Variants in MYBBP1A observed in about 807,000 individuals in gnomAD.
MYBBP1A encodes myb-binding protein 1A.
MYBBP1A carries 147 observed loss-of-function variants against 136.3 expected under a neutral mutation model. The observed-to-expected ratio is 1.08, with a 90% CI of 0.94 to 1.24. The LOEUF (loss-of-function observed/expected upper bound fraction) is 1.24, where lower values mean the gene tolerates loss of function less well. Among genes scored for constraint, MYBBP1A ranks in the 50% most tolerant of loss-of-function variants. MYBBP1A has a pLI of 0.00. For missense variants in MYBBP1A, 2,060 were observed against 1,727.4 expected, an observed-to-expected ratio of 1.19 and a Z score of -3.41; for synonymous variants, 947 against 735.8, an observed-to-expected ratio of 1.29 and a Z score of -4.65.
chr17:4,552,292 C>A lies in MYBBP1A; in HGVS notation c.738G>T (p.Arg246Ser). ...CGGCCATCTTCAGCACATTCACCAG[C>A]CTGCGGAGGGCAAGGGACTCAGGGA... ...VNLFSDENVP[R>S]LVNVLKMAAS... is the part of the protein sequence containing the mutation. The change falls in exon 7 of 26, where the codon AGG becomes AGT. Residue 246 changes from arginine (R) to serine (S), a missense_variant and splice_region_variant. Physicochemically the swap from Arg to Ser is moderately radical, Grantham distance 110. Transcript: ENST00000254718. The surrounding 1 kb of genome is among the most constrained non-coding windows in gnomAD (Gnocchi z 4.7). The A allele has an allele frequency of 1.2e-6, 2 of 1,613,948 alleles. No homozygotes were observed. The highest frequency in any genetic ancestry group is 1.1e-5 in the South Asian group (1 of 91,078).
At position 4,544,491 on chromosome 17, in the gene MYBBP1A, G is replaced by A. The variant is rs944589760; in HGVS notation, c.2637C>T (p.Phe879=). 1 of 1,549,164 alleles carries A rather than the reference G, an allele frequency of 6.5e-7. No individual in the cohort carries two copies. The highest frequency in any genetic ancestry group is 2.4e-5 in the East Asian group (1 of 40,990). ...CCGCCCTGCACCCCCGTGCTCACGT[G>A]AAGATGCGCGCCGTCTTGTGCAGAA... is the stretch of plus-strand genomic sequence containing the variant. ...QDLLHKTARI[F]THHLCRARRY... is the part of the protein sequence containing the mutation. The change falls in exon 19 of 26, where the codon TTC becomes TTT. Residue 879 remains phenylalanine, a splice_region_variant and synonymous_variant. Coordinates refer to ENST00000254718, the MANE Select transcript of MYBBP1A (RefSeq NM_014520.4).
chr17:4,554,390 C>A (rs1907837306), intron 2 of MYBBP1A, 112 bp from the exon 3 acceptor site: 2 of 854,000 alleles, frequency 2.3e-6, no homozygotes, highest in Admixed American at 2.3e-5. Context: ...AGCCTCAGGT[C>A]CCTAGTCCCA....
Position 4,543,144 on chromosome 17 carries a change from C to A in MYBBP1A, c.2661G>T (p.Arg887=), listed in dbSNP as rs772572088. The A allele has an allele frequency of 6.2e-7, 1 of 1,609,016 alleles. No individual in the cohort carries two copies. The highest frequency in any genetic ancestry group is 8.5e-7 in the Non-Finnish European group (1 of 1,178,040). ...RIFTHHLCRA[R]RYCHDLGERA... ...GCTCACCCAAGTCGTGGCAGTAGCG[C>A]CGGGCACGGCACAGGTGGTGCCTGT... Residue 887 remains arginine (R), a synonymous_variant, in exon 20 of 26, where the codon CGG becomes CGT. Coordinates refer to ENST00000254718, the MANE Select transcript of MYBBP1A (RefSeq NM_014520.4).
rs538283667 is a variant in MYBBP1A at position 4,548,591 on chromosome 17, T to C, written c.1489A>G (p.Thr497Ala). Reference sequence around the variant, plus strand: ...AAAGGGAAGGAGAACGGGTGCTTTGTCTCAGGGATCTGGGATGTGGGCTTC... The same window carrying C: ...AAAGGGAAGGAGAACGGGTGCTTTGCCTCAGGGATCTGGGATGTGGGCTTC... Reference protein sequence around the residue: ...TKKPTSQIPETKHPFSFPLEN... With the variant: ...TKKPTSQIPEAKHPFSFPLEN... Residue 497 changes from threonine (T) to alanine (A), a missense_variant, in exon 11 of 26, where the codon ACA becomes GCA. Coordinates refer to ENST00000254718, the MANE Select transcript of MYBBP1A (RefSeq NM_014520.4). This position sits in a 1 kb window ranked among gnomAD's most constrained non-coding sequence, Gnocchi z 4.2. The C allele has an allele frequency of 2.4e-5, 39 of 1,614,176 alleles. No individual in the cohort carries two copies. Among genetic ancestry groups the C allele is most frequent in the Middle Eastern group, 1.6e-4 (1 of 6,062 alleles).
rs780167883 is a variant in MYBBP1A, at chr17:4,545,775, G to C, written c.1922-14C>G. 1 of 1,606,422 alleles carries C rather than the reference G, an allele frequency of 6.2e-7. No individual in the cohort carries two copies. Among genetic ancestry groups the C allele is most frequent in the Admixed American group, 1.7e-5 (1 of 59,478 alleles). On this transcript the variant is annotated splice_polypyrimidine_tract_variant and intron_variant, in intron 14 of 25. Coordinates refer to ENST00000254718, the MANE Select transcript of MYBBP1A (RefSeq NM_014520.4). ...GTTCCTGGGGGTCTGCAAGAGGGAG[G>C]GGTTGAGCCCGGATAGGGGACCGCT...
Position 4,552,213 on chromosome 17 carries a change from G to A in MYBBP1A, c.817C>T (p.Arg273Cys), listed in dbSNP as rs200095188. ...KLPAIALDLLRLALKEDKFPR... is the reference protein window; with the variant it reads ...KLPAIALDLLCLALKEDKFPR... Reference sequence around the variant, plus strand: ...AACTTGTCTTCCTTGAGTGCCAGGCGGAGCAGGTCCAGAGCAATGGCGGGC... The same window carrying A: ...AACTTGTCTTCCTTGAGTGCCAGGCAGAGCAGGTCCAGAGCAATGGCGGGC... Residue 273 changes from arginine to cysteine, a missense_variant, in exon 7 of 26, where the codon CGC becomes TGC. By Grantham distance (180) the Arg-to-Cys change is radical (BLOSUM62 -3). Coordinates refer to ENST00000254718, the MANE Select transcript of MYBBP1A (RefSeq NM_014520.4). The surrounding 1 kb of genome is among the most constrained non-coding windows in gnomAD (Gnocchi z 4.7). 4.1e-5 allele frequency: 66 copies of A among 1,614,234 alleles called. No homozygotes were observed. The East Asian group carries it at 7.4e-4, about 18-fold the overall frequency.
rs189520600 is a variant in MYBBP1A, at chr17:4,553,749, G to A, written c.561+61C>T. Reference sequence around the variant, plus strand: ...AGTGCTGTTCCAGATTCTCATCCGAGCCCCCTTGATGTCTCTGTAACAAAG... The same window carrying A: ...AGTGCTGTTCCAGATTCTCATCCGAACCCCCTTGATGTCTCTGTAACAAAG... On this transcript the variant is annotated intron_variant, in intron 5 of 25. Transcript: ENST00000254718. 146 of 1,270,884 alleles carry A rather than the reference G, an allele frequency of 1.1e-4. No individual in the cohort carries two copies. The African/African-American group carries it at 2.0e-3, about 18-fold the overall frequency. The allele number at this position is 1,270,884 out of a possible 1,614,324, so 78.7% of individuals were successfully genotyped here. A position where few individuals can be genotyped will look rare whatever the true frequency, so the allele number is the denominator to read the frequency against.
chr17:4,543,948 G>T (rs1906710375), intron 19 of MYBBP1A, among the ~76,000 whole-genome samples: 1 of 152,148 alleles, frequency 6.6e-6, no homozygotes, highest in South Asian at 2.1e-4. Flanking sequence ...CTAGGGTCAG[G>T]GCCTGCGAGG....
At position 4,539,761 on chromosome 17, in the gene MYBBP1A, T is replaced by C. The variant is rs1393516383; in HGVS notation, c.3641A>G (p.Asn1214Ser). 1 of 1,613,096 alleles carries C rather than the reference T, an allele frequency of 6.2e-7. No homozygotes were observed. Among genetic ancestry groups the C allele is most frequent in the Non-Finnish European group, 8.5e-7 (1 of 1,179,970 alleles). Residue 1214 changes from asparagine (N) to serine (S), a missense_variant, in exon 26 of 26, where the codon AAC becomes AGC. Transcript: ENST00000254718. ...QPPSMGRKKR[N>S]RTKAKVPAQA... is the part of the protein sequence containing the mutation. ...GGCTGGGACCTTAGCCTTTGTCCTG[T>C]TCCTCTTCTTCCTGCCCATGCTGGG... is the stretch of plus-strand genomic sequence containing the variant.
chr17:4,544,027 A>G (rs1427153182), intron 19 of MYBBP1A, among the ~76,000 whole-genome samples: 1 of 151,980 alleles, frequency 6.6e-6, no homozygotes, highest in Admixed American at 6.6e-5. Context: ...TCCCGTCAGG[A>G]TGCTCTTCCT....
chr17:4,546,140 A>G (rs1421047186), intron 13 of MYBBP1A, among the ~76,000 whole-genome samples, 198 bp from the exon 14 acceptor site: 4 of 152,216 alleles, frequency 2.6e-5, no homozygotes, highest in African/African-American at 7.2e-5. Flanking sequence ...GGCTTTTGAG[A>G]TGGAGTCTCG....
At position 4,538,955 on chromosome 17, in the gene MYBBP1A, G is replaced by C. The variant is rs748652173; in HGVS notation, c.*460C>G. ...AACTGCTCCTTTATTTTTTAGAGCT[G>C]CTGATTGTGAATCTCAGAGTCTTAA... On this transcript the variant is annotated 3_prime_UTR_variant, in exon 26 of 26. Coordinates refer to ENST00000254718, the MANE Select transcript of MYBBP1A (RefSeq NM_014520.4). The C allele has an allele frequency of 1.3e-6, 1 of 785,746 alleles. No homozygotes were observed. Among genetic ancestry groups the C allele is most frequent in the Non-Finnish European group, 2.4e-6 (1 of 422,364 alleles). The allele number at this position is 785,746 out of a possible 1,614,324, so 48.7% of individuals were successfully genotyped here. A position where few individuals can be genotyped will look rare whatever the true frequency, so the allele number is the denominator to read the frequency against.
intron 13 of MYBBP1A, 135 bp downstream of exon 13, chr17:4,547,823 C>A: frequency 1.4e-6 from 1 of 726,646 alleles, no homozygotes; most frequent in South Asian, 2.5e-5. Context: ...ACAAAGTTGG[C>A]TTCAAAAACC....
chr17:4,547,560 T>G (rs1907114254), intron 13 of MYBBP1A: 1 of 179,736 alleles, frequency 5.6e-6, no homozygotes, highest in Non-Finnish European at 1.1e-5. Flanking sequence ...TCAAAAGAAA[T>G]CAGGGTACTG....
chr17:4,550,330 G>A lies in MYBBP1A; in HGVS notation c.1047C>T (p.Ala349=), dbSNP rs746077648. 2.0e-5 allele frequency: 32 copies of A among 1,612,556 alleles called. No homozygotes were observed. The highest frequency in any genetic ancestry group is 6.7e-5 in the East Asian group (3 of 44,900). ...TGCCCACGTAATCGTCCATCTCTGGGGCAAACTTGAACTGCTTTGGGAGCT... is the reference window on the plus strand; with the variant it reads ...TGCCCACGTAATCGTCCATCTCTGGAGCAAACTTGAACTGCTTTGGGAGCT... ...TAKLPKQFKF[A]PEMDDYVGTF... is the part of the protein sequence containing the mutation. Residue 349 remains alanine (A), a synonymous_variant, in exon 9 of 26, where the codon GCC becomes GCT. Coordinates refer to ENST00000254718, the MANE Select transcript of MYBBP1A (RefSeq NM_014520.4).
chr17:4,550,894 G>T (rs1327267081), intron 8 of MYBBP1A, among the ~76,000 whole-genome samples: 1 of 152,258 alleles, frequency 6.6e-6, no homozygotes, highest in Non-Finnish European at 1.5e-5. Context: ...GGCCAATATT[G>T]TCATTGCACA....
At position 4,545,708 on chromosome 17, in the gene MYBBP1A, A is replaced by G. The variant is rs1050986775; in HGVS notation, c.1975T>C (p.Leu659=). The G allele has an allele frequency of 1.2e-6, 2 of 1,610,356 alleles. No homozygotes were observed. The highest frequency in any genetic ancestry group is 1.7e-5 in the Admixed American group (1 of 59,856). Residue 659 remains leucine (L), a synonymous_variant, in exon 15 of 26, where the codon TTG becomes CTG. Transcript: ENST00000254718. ...CGCATGAGGTGGCTGGGCTGGGCCA[A>G]CAGGGCCAGCAAGATCTCCACCAGC... ...EVLVEILLAL[L]AQPSHLMRQV...
Position 4,551,933 on chromosome 17 carries a change from C to G in MYBBP1A, c.970G>C (p.Val324Leu), listed in dbSNP as rs1907551874. 2 of 1,613,154 alleles carry G rather than the reference C, an allele frequency of 1.2e-6. No homozygotes were observed. The highest frequency in any genetic ancestry group is 1.7e-6 in the Non-Finnish European group (2 of 1,179,538). ...TGGCGGATCACGTCTCCCTGCATCACCAGGTGCAGCTGCTCCTTGGTCAGC... is the reference window on the plus strand; with the variant it reads ...TGGCGGATCACGTCTCCCTGCATCAGCAGGTGCAGCTGCTCCTTGGTCAGC... ...PLLTKEQLHL[V>L]MQGDVIRHYG... Residue 324 changes from valine (V) to leucine (L), a missense_variant, in exon 8 of 26, where the codon GTG becomes CTG. Coordinates refer to ENST00000254718, the MANE Select transcript of MYBBP1A (RefSeq NM_014520.4).
At chr17:4,547,937 C>A in intron 13 of MYBBP1A, 21 bp downstream of exon 13, 6 of 1,456,448 alleles carry the variant, frequency 4.1e-6, no homozygotes, top group Non-Finnish European at 5.4e-6. Context: ...CTCACAGCCC[C>A]TCCCTCCCAG....
Sources: gnomAD v4.1 joint callset for allele counts (sites outside exome capture counted in the v4.1 genomes callset) on GRCh38, gnomAD v4.1.1 for gene constraint, Gnocchi (gnomAD v3.1) non-coding constraint, MANE v1.5 for transcripts, NCBI Gene and HGNC (gene_info 2026-07-23, HGNC 2026-07-21) for gene names.